The following GALNT13 variants were observed in gnomAD, a reference collection of about 807,000 sequenced individuals.
The protein encoded by GALNT13 is polypeptide N-acetylgalactosaminyltransferase 13, also known as UDP-GalNAc:polypeptide N-acetylgalactosaminyltransferase 13.
In GALNT13, 28 loss-of-function variants were observed where a neutral mutation model predicts 64.2. The ratio of observed to expected loss-of-function variants is 0.44; its 90% CI spans 0.32 to 0.60. GALNT13 has a LOEUF of 0.60. GALNT13 is among the 20% of genes least tolerant of loss of function. GALNT13 has a pLI of 0.05. For missense variants in GALNT13, 577 were observed against 669.8 expected (o/e 0.86, Z 1.53); for synonymous variants, 214 against 224.6 (o/e 0.95, Z 0.42).
the GALNT13 span, among the ~76,000 whole-genome samples, chr2:153,490,506 A>C: frequency 6.6e-6 from 1 of 152,114 alleles, no homozygotes; most frequent in Admixed American, 6.5e-5. Flanking sequence ...CAGCCTCCTA[A>C]GTAGCTGGGA....
chr2:154,128,442 T>C (rs1426208710), intron 3 of GALNT13, among the ~76,000 whole-genome samples: 4 of 152,126 alleles, frequency 2.6e-5, no homozygotes, highest in African/African-American at 9.6e-5. Context: ...TGGTGTATTA[T>C]TAGTATCCTG....
the GALNT13 span, among the ~76,000 whole-genome samples, chr2:153,507,831 G>T: frequency 6.6e-6 from 1 of 152,172 alleles, no homozygotes; most frequent in Non-Finnish European, 1.5e-5. Flanking sequence ...CTGAAGAGCT[G>T]CCGTTTAGAT....
At chr2:153,223,549 A>G in the GALNT13 span, among the ~76,000 whole-genome samples, 1 of 152,218 alleles carries the variant, frequency 6.6e-6, no homozygotes, top group Non-Finnish European at 1.5e-5. Flanking sequence ...AAATCTTGAA[A>G]TCTCTGGAAA....
intron 4 of GALNT13, among the ~76,000 whole-genome samples, chr2:154,193,983 C>A (rs906622019): frequency 6.6e-6 from 1 of 152,068 alleles, no homozygotes; most frequent in Non-Finnish European, 1.5e-5. Flanking sequence ...CCAATAGATA[C>A]CAGTTATTAT....
chr2:153,347,078 T>A, the GALNT13 span, among the ~76,000 whole-genome samples: 1 of 152,222 alleles, frequency 6.6e-6, no homozygotes, highest in Non-Finnish European at 1.5e-5. Context: ...TTGAATATTG[T>A]CCTGGCTTGG....
intron 8 of GALNT13, among the ~76,000 whole-genome samples, chr2:154,301,155 A>T (rs145562323): frequency 6.6e-6 from 1 of 152,300 alleles, no homozygotes; most frequent in Admixed American, 6.5e-5. Context: ...AGAAACTAGA[A>T]ATTAGGTATT....
At chr2:153,726,309 T>C in the GALNT13 span, among the ~76,000 whole-genome samples, 3 of 152,280 alleles carry the variant, frequency 2.0e-5, no homozygotes, top group East Asian at 5.8e-4. Flanking sequence ...CTTTAGTAAC[T>C]CTCATAGATG....
At chr2:153,739,423 T>C in the GALNT13 span, among the ~76,000 whole-genome samples, 1 of 151,222 alleles carries the variant, frequency 6.6e-6, no homozygotes, top group East Asian at 1.9e-4. Flanking sequence ...CAAGGTTTTC[T>C]TCATTTTCCA....
chr2:153,334,694 G>A, the GALNT13 span, among the ~76,000 whole-genome samples: 3 of 152,110 alleles, frequency 2.0e-5, no homozygotes, highest in African/African-American at 4.8e-5. Context: ...GTGAATTATG[G>A]ATGAAGTAAC....
chr2:154,000,457 C>G (rs1379921287), intron 3 of GALNT13, among the ~76,000 whole-genome samples: 1 of 151,812 alleles, frequency 6.6e-6, no homozygotes, highest in East Asian at 1.9e-4. Flanking sequence ...CTAAAATTTT[C>G]TCATAGAACT....
rs137867369 is a variant in GALNT13 at position 154,410,792 on chromosome 2, A to T, written c.1395+1710A>T. On this transcript the variant is annotated intron_variant, in intron 11 of 12. Coordinates refer to ENST00000392825, the MANE Select transcript of GALNT13 (RefSeq NM_052917.4). ...CTCCATAATTTCATACAGAATTTAA[A>T]GAAACACTACTTATGAAATCTCTCT... Among the ~76,000 whole-genome samples the T allele has an allele frequency of 5.3e-5, 8 of 152,108 alleles. 1 individual carries two copies. In the East Asian group the frequency reaches 1.5e-3, roughly 29 times the overall value.
chr2:153,177,160 G>A, the GALNT13 span, among the ~76,000 whole-genome samples: 3 of 151,924 alleles, frequency 2.0e-5, no homozygotes, highest in Non-Finnish European at 4.4e-5. Context: ...TAAAATACAT[G>A]ACATTACTAG....
At chr2:154,366,301 A>G (rs1697358077) in intron 9 of GALNT13, among the ~76,000 whole-genome samples, 1 of 152,180 alleles carries the variant, frequency 6.6e-6, no homozygotes, top group Non-Finnish European at 1.5e-5. Context: ...TCTAAAATAT[A>G]TAGTTTAGAA....
the GALNT13 span, among the ~76,000 whole-genome samples, chr2:153,812,552 GTTTTTC>G: frequency 1.3e-5 from 2 of 152,110 alleles, no homozygotes; most frequent in African/African-American, 2.4e-5. Context: ...AGAAATTTTA[GTTTTTC>G]TTTATAGCCC....
the GALNT13 span, among the ~76,000 whole-genome samples, chr2:153,699,023 G>A: frequency 2.0e-5 from 3 of 152,136 alleles, no homozygotes; most frequent in Admixed American, 6.5e-5. Flanking sequence ...AAGAGATCAA[G>A]ACCATCCTGG....
the GALNT13 span, among the ~76,000 whole-genome samples, chr2:153,266,292 G>A: frequency 9.2e-5 from 14 of 152,192 alleles, no homozygotes; most frequent in African/African-American, 1.7e-4. Flanking sequence ...ATATTTATTC[G>A]TAGTATTTGA....
intron 3 of GALNT13, among the ~76,000 whole-genome samples, chr2:154,094,224 C>T (rs1701963747): frequency 6.6e-6 from 1 of 151,894 alleles, no homozygotes; most frequent in Non-Finnish European, 1.5e-5. Flanking sequence ...TAGGCAGTTT[C>T]CAGGGTAGCA....
the GALNT13 span, among the ~76,000 whole-genome samples, chr2:153,809,265 A>G: frequency 3.9e-5 from 6 of 152,330 alleles, 1 homozygote; most frequent in South Asian, 1.2e-3. Context: ...GTTTTCTCCA[A>G]CAATCAGCAA....
chr2:154,152,072 T>A (rs1684068699), intron 4 of GALNT13, among the ~76,000 whole-genome samples: 1 of 152,196 alleles, frequency 6.6e-6, no homozygotes, highest in Non-Finnish European at 1.5e-5. Flanking sequence ...CTGGTACCGG[T>A]TGTTCCTTTC....
Sources: gnomAD v4.1 joint callset for allele counts (sites outside exome capture counted in the v4.1 genomes callset) on GRCh38, gnomAD v4.1.1 for gene constraint, MANE v1.5 for transcripts, NCBI Gene and HGNC (gene_info 2026-07-23, HGNC 2026-07-21) for gene names.